The following XPR1 variants were observed in gnomAD, a reference collection of about 807,000 sequenced individuals.
XPR1 encodes solute carrier family 53 member 1.
XPR1 carries 28 observed loss-of-function variants against 87.5 expected under a neutral mutation model. The observed-to-expected ratio is 0.32, with a 90% CI of 0.24 to 0.44. The LOEUF (loss-of-function observed/expected upper bound fraction) is 0.44. Among genes scored for constraint, XPR1 ranks in the 20% least tolerant of loss-of-function variants. The pLI is 1.00. For missense variants in XPR1, 559 were observed against 862.3 expected, an observed-to-expected ratio of 0.65 and a Z score of 4.41; for synonymous variants, 300 against 306.1, an observed-to-expected ratio of 0.98 and a Z score of 0.21.
intron 2 of XPR1, among the ~76,000 whole-genome samples, chr1:180,688,049 ATTTTTTT>A (rs61214643): frequency 1.5e-5 from 2 of 130,554 alleles, no homozygotes; most frequent in African/African-American, 5.9e-5. Context: ...TATGTTATTA[ATTTTTTT>A]TTTTTTTTTT....
intron 1 of XPR1, among the ~76,000 whole-genome samples, chr1:180,655,585 T>C (rs1373996763): frequency 2.6e-5 from 4 of 152,012 alleles, no homozygotes; most frequent in Non-Finnish European, 2.9e-5. Flanking sequence ...TCTTTTGATA[T>C]ACAATTTTAA....
intron 2 of XPR1, among the ~76,000 whole-genome samples, chr1:180,772,975 C>T (rs1052961603): frequency 6.6e-6 from 1 of 152,182 alleles, no homozygotes; most frequent in Non-Finnish European, 1.5e-5. Flanking sequence ...CTCTATCACT[C>T]TATCATACAA....
At chr1:180,853,776 T>C (rs1463262595) in intron 11 of XPR1, among the ~76,000 whole-genome samples, 2 of 149,174 alleles carry the variant, frequency 1.3e-5, no homozygotes, top group East Asian at 3.9e-4. Flanking sequence ...GCACAAATAA[T>C]AGTGCATTCA....
intron 14 of XPR1, among the ~76,000 whole-genome samples, chr1:180,880,834 A>T (rs572033718): frequency 1.5e-5 from 1 of 67,858 alleles, no homozygotes; most frequent in South Asian, 4.6e-4. Context: ...TTAAATACCT[A>T]CAACAATATT....
At chr1:180,686,393 T>G (rs938764910) in intron 2 of XPR1, among the ~76,000 whole-genome samples, 1 of 152,000 alleles carries the variant, frequency 6.6e-6, no homozygotes, top group Non-Finnish European at 1.5e-5. Context: ...TGCTGAGGAG[T>G]GCTTTACTTC....
chr1:180,735,731 A>C (rs1198210649), intron 2 of XPR1, among the ~76,000 whole-genome samples: 1 of 152,228 alleles, frequency 6.6e-6, no homozygotes, highest in Non-Finnish European at 1.5e-5. Context: ...TATGTTCACA[A>C]GTTTCATTAT....
chr1:180,810,633 A>G (rs1277822698), intron 6 of XPR1, among the ~76,000 whole-genome samples: 1 of 152,086 alleles, frequency 6.6e-6, no homozygotes, highest in African/African-American at 2.4e-5. Flanking sequence ...TCAGAAAGTA[A>G]GCGTTCTTGT....
chr1:180,841,387 A>G (rs1356239244), intron 11 of XPR1, among the ~76,000 whole-genome samples: 2 of 150,166 alleles, frequency 1.3e-5, no homozygotes, highest in African/African-American at 5.0e-5. Flanking sequence ...TTTTTTTTCC[A>G]GACAAAGCGA....
chr1:180,830,105 A>G (rs949077666), intron 9 of XPR1, among the ~76,000 whole-genome samples: 1 of 152,128 alleles, frequency 6.6e-6, no homozygotes, highest in Non-Finnish European at 1.5e-5. Context: ...ATTATTCTAT[A>G]TTTCTGTCAC....
chr1:180,787,031 T>A (rs552497622), intron 2 of XPR1, among the ~76,000 whole-genome samples: 6 of 152,322 alleles, frequency 3.9e-5, no homozygotes, highest in African/African-American at 1.4e-4. Flanking sequence ...ACATTATACA[T>A]TCATGTCTTC....
At chr1:180,748,785 A>G (rs535529696) in intron 2 of XPR1, among the ~76,000 whole-genome samples, 14 of 152,006 alleles carry the variant, frequency 9.2e-5, no homozygotes, top group African/African-American at 3.4e-4. Context: ...TCTCTTCCCA[A>G]CTCTGTATTC....
intron 2 of XPR1, among the ~76,000 whole-genome samples, chr1:180,781,685 A>G (rs537714990): frequency 6.7e-6 from 1 of 149,024 alleles, no homozygotes; most frequent in Non-Finnish European, 1.5e-5. Flanking sequence ...TATTATTATT[A>G]TACTTTAACT....
chr1:180,633,435 A>G (rs1033178556), intron 1 of XPR1, among the ~76,000 whole-genome samples: 10 of 152,216 alleles, frequency 6.6e-5, no homozygotes, highest in South Asian at 4.1e-4. Flanking sequence ...TTAGTTCTCC[A>G]TTTAATTTTT....
At position 180,856,785 on chromosome 1, in the gene XPR1, T is replaced by A. The variant is rs116653811; in HGVS notation, c.1502-6923T>A. ...ACTTATACTCAATTCTAGTCCTCAT[T>A]GTTTCTCACTGGGCTGTTGCCACAG... On this transcript the variant is annotated intron_variant, in intron 11 of 14. Coordinates refer to ENST00000367590, the MANE Select transcript of XPR1 (RefSeq NM_004736.4). Among the ~76,000 whole-genome samples the A allele has an allele frequency of 5.9e-3, 896 of 152,350 alleles. 8 individuals are homozygous for A. The highest frequency in any genetic ancestry group is 0.02 in the African/African-American group (826 of 41,584).
At chr1:180,803,639 G>T (rs756603710) in intron 4 of XPR1, 28 bp downstream of exon 4, 1 of 1,572,082 alleles carries the variant, frequency 6.4e-7, no homozygotes, top group East Asian at 2.2e-5. Flanking sequence ...CTAGAAAATG[G>T]CACCTTTAAG....
chr1:180,688,049 ATT>A (rs61214643), intron 2 of XPR1, among the ~76,000 whole-genome samples: 29 of 130,540 alleles, frequency 2.2e-4, no homozygotes, highest in African/African-American at 5.0e-4. Flanking sequence ...TATGTTATTA[ATT>A]TTTTTTTTTT....
At chr1:180,873,358 A>C (rs75831517) in intron 12 of XPR1, among the ~76,000 whole-genome samples, 3,711 of 152,300 alleles carry the variant, frequency 0.024, 65 homozygotes, top group Middle Eastern at 0.088. Context: ...ACTTTCTTCA[A>C]ATACAGGGTA....
intron 2 of XPR1, among the ~76,000 whole-genome samples, chr1:180,684,464 G>A (rs1223444737): frequency 5.9e-5 from 9 of 152,124 alleles, no homozygotes; most frequent in African/African-American, 1.9e-4. Context: ...TTGACTTGGC[G>A]ATGCGGGCTC....
chr1:180,715,684 TC>T (rs989601375), intron 2 of XPR1, among the ~76,000 whole-genome samples: 3 of 152,092 alleles, frequency 2.0e-5, no homozygotes, highest in African/African-American at 4.8e-5. Flanking sequence ...TATCTTTCTT[TC>T]TTTTTTTTGA....
Sources: allele counts gnomAD v4.1 joint callset (sites outside exome capture counted in the v4.1 genomes callset), GRCh38; gene constraint gnomAD v4.1.1; transcripts MANE v1.5; gene names NCBI Gene and HGNC (gene_info 2026-07-23, HGNC 2026-07-21).